ERBB4: variants seen among roughly 807,000 people sequenced by gnomAD.
ERBB4 encodes receptor tyrosine-protein kinase erbB-4.
ERBB4 carries 42 observed loss-of-function variants against 158.0 expected under a neutral mutation model. The ratio of observed to expected loss-of-function variants is 0.27; its 90% CI spans 0.21 to 0.34. The LOEUF (loss-of-function observed/expected upper bound fraction) is 0.34. ERBB4 is among the 10% of genes least tolerant of loss of function. The pLI, the probability that ERBB4 is intolerant of heterozygous loss-of-function variation, is 1.00. For missense variants in ERBB4, 1,333 were observed against 1,624.1 expected, an observed-to-expected ratio of 0.82 and a Z score of 3.08; for synonymous variants, 583 against 558.7, an observed-to-expected ratio of 1.04 and a Z score of -0.61.
intron 17 of ERBB4, among the ~76,000 whole-genome samples, chr2:211,628,586 T>C (rs963574202): frequency 6.6e-6 from 1 of 152,246 alleles, no homozygotes; most frequent in African/African-American, 2.4e-5. Context: ...ACATTTGGCT[T>C]GGTTCCAAGT....
intron 2 of ERBB4, among the ~76,000 whole-genome samples, chr2:211,985,992 T>C (rs962421928): frequency 6.6e-6 from 1 of 152,220 alleles, no homozygotes; most frequent in African/African-American, 2.4e-5. Context: ...GATCAGGTAG[T>C]ACTGAATTAG....
chr2:211,632,139 A>G (rs1173800478), intron 16 of ERBB4, among the ~76,000 whole-genome samples: 1 of 152,126 alleles, frequency 6.6e-6, no homozygotes, highest in Non-Finnish European at 1.5e-5. Context: ...GTACTATAGT[A>G]TACTGAAATG....
At chr2:211,944,246 G>T (rs1377556768) in intron 3 of ERBB4, among the ~76,000 whole-genome samples, 2 of 119,100 alleles carry the variant, frequency 1.7e-5, no homozygotes, top group Admixed American at 9.5e-5. Context: ...AACACTTAAA[G>T]TCTTCATCTC....
chr2:211,439,166 G>A (rs915938755), intron 20 of ERBB4, among the ~76,000 whole-genome samples: 2 of 152,082 alleles, frequency 1.3e-5, no homozygotes, highest in Admixed American at 1.3e-4. Flanking sequence ...ACACTCCAAT[G>A]CTCTATCTAT....
intron 1 of ERBB4, among the ~76,000 whole-genome samples, chr2:212,274,012 CAGT>C (rs2085436859): frequency 6.6e-6 from 1 of 151,758 alleles, no homozygotes; most frequent in Non-Finnish European, 1.5e-5. Context: ...ATAACATCAA[CAGT>C]AGATTAACAT....
chr2:211,488,905 C>T (rs2065271777), intron 20 of ERBB4, among the ~76,000 whole-genome samples: 2 of 152,108 alleles, frequency 1.3e-5, no homozygotes, highest in African/African-American at 4.8e-5. Flanking sequence ...TTACTCTGCT[C>T]TTTGAATTAA....
chr2:211,423,248 C>A (rs1486516020), intron 23 of ERBB4, among the ~76,000 whole-genome samples: 1 of 151,886 alleles, frequency 6.6e-6, no homozygotes, highest in Non-Finnish European at 1.5e-5. Flanking sequence ...GCAGGCTGAC[C>A]TGAACTGCAA....
At chr2:212,380,683 T>C (rs2106410443) in intron 1 of ERBB4, among the ~76,000 whole-genome samples, 1 of 151,156 alleles carries the variant, frequency 6.6e-6, no homozygotes, top group Non-Finnish European at 1.5e-5. Flanking sequence ...TGTATATATT[T>C]TCTCACGAGA....
At chr2:211,881,104 G>C (rs2078648972) in intron 3 of ERBB4, among the ~76,000 whole-genome samples, 1 of 152,134 alleles carries the variant, frequency 6.6e-6, no homozygotes, top group African/African-American at 2.4e-5. Flanking sequence ...AGAGCCTAAA[G>C]AATGTCTTCG....
In ERBB4 at chr2:212,186,789, A is replaced by G. The variant is rs573197793; in HGVS notation, c.83-61886T>C. ...ATACTCAACAATATTCAAAAGACTA[A>G]TACTGAAAGATAGAAGTATGCAGCG... On this transcript the variant is annotated intron_variant, in intron 1 of 27. Transcript: ENST00000342788. Among the ~76,000 whole-genome samples, 7 of 152,294 alleles carry G rather than the reference A, an allele frequency of 4.6e-5. 1 individual carries two copies. The South Asian group carries it at 1.5e-3, about 32-fold the overall frequency.
At chr2:211,764,063 T>C (rs1204064319) in intron 4 of ERBB4, among the ~76,000 whole-genome samples, 1 of 152,222 alleles carries the variant, frequency 6.6e-6, no homozygotes, top group East Asian at 1.9e-4. Flanking sequence ...AAAGGCATTA[T>C]AGTAAGTAAT....
intron 1 of ERBB4, among the ~76,000 whole-genome samples, chr2:212,245,201 A>G (rs747426557): frequency 6.7e-5 from 10 of 150,142 alleles, no homozygotes; most frequent in Non-Finnish European, 1.2e-4. Context: ...AAAAGAGTTG[A>G]AAAAAAAAGT....
chr2:212,353,338 A>G (rs2089333005), intron 1 of ERBB4, among the ~76,000 whole-genome samples: 1 of 150,684 alleles, frequency 6.6e-6, no homozygotes, highest in Non-Finnish European at 1.5e-5. Context: ...ATATATGCAA[A>G]TATGTATATA....
intron 3 of ERBB4, among the ~76,000 whole-genome samples, chr2:211,909,733 A>C (rs1397315266): frequency 6.6e-6 from 1 of 151,538 alleles, no homozygotes; most frequent in African/African-American, 2.4e-5. Flanking sequence ...GTGGCACATG[A>C]CTGTATGTGT....
At chr2:212,210,129 G>C (rs1559752142) in intron 1 of ERBB4, among the ~76,000 whole-genome samples, 1 of 150,094 alleles carries the variant, frequency 6.7e-6, no homozygotes, top group Non-Finnish European at 1.5e-5. Flanking sequence ...GTTGTGCATA[G>C]ATATGCATAA....
At chr2:211,851,769 T>C (rs772958363) in intron 3 of ERBB4, among the ~76,000 whole-genome samples, 2 of 151,932 alleles carry the variant, frequency 1.3e-5, no homozygotes, top group Admixed American at 6.6e-5. Context: ...GATATATGCA[T>C]TGAATTCTTA....
intron 2 of ERBB4, among the ~76,000 whole-genome samples, chr2:212,064,606 C>G (rs956624420): frequency 6.6e-6 from 1 of 151,852 alleles, no homozygotes; most frequent in Non-Finnish European, 1.5e-5. Flanking sequence ...TTCATTATAC[C>G]TACATATATG....
intron 1 of ERBB4, among the ~76,000 whole-genome samples, chr2:212,368,719 G>A (rs12990946): frequency 0.028 from 4,236 of 152,130 alleles, 75 homozygotes; most frequent in South Asian, 0.056. Flanking sequence ...CTAAATATAA[G>A]ACACATATAC....
chr2:211,902,116 T>C (rs945753546), intron 3 of ERBB4, among the ~76,000 whole-genome samples: 25 of 152,158 alleles, frequency 1.6e-4, no homozygotes, highest in Admixed American at 1.1e-3. Flanking sequence ...CTCATTTGTA[T>C]GATTGGTTTA....
Sources: gnomAD v4.1 joint callset for allele counts (sites outside exome capture counted in the v4.1 genomes callset) on GRCh38, gnomAD v4.1.1 for gene constraint, MANE v1.5 for transcripts, NCBI Gene and HGNC (gene_info 2026-07-23, HGNC 2026-07-21) for gene names.